Variants in ARHGEF15 observed in about 807,000 individuals in gnomAD.
ARHGEF15 encodes Rho guanine nucleotide exchange factor 15, also known as Rho guanine nucleotide exchange factor (GEF) 15.
A neutral mutation model predicts 79.7 loss-of-function variants in ARHGEF15; 58 were observed. The ratio of observed to expected loss-of-function variants is 0.73; its 90% CI spans 0.59 to 0.91. ARHGEF15 has a LOEUF of 0.91. Among genes scored for constraint, ARHGEF15 ranks in the 40% least tolerant of loss-of-function variants. The pLI, the probability that ARHGEF15 is intolerant of heterozygous loss-of-function variation, is 0.00. For synonymous variants in ARHGEF15, 442 were observed against 456.0 expected (o/e 0.97, Z 0.39); for missense variants, 1,012 against 1,108.1 (o/e 0.91, Z 1.23).
At position 8,319,558 on chromosome 17, in the gene ARHGEF15, C is replaced by G; in HGVS notation, c.2329C>G (p.Leu777Val). The G allele has an allele frequency of 6.2e-7, 1 of 1,611,252 alleles. No individual in the cohort carries two copies. Among genetic ancestry groups the G allele is most frequent in the Non-Finnish European group, 8.5e-7 (1 of 1,179,122 alleles). ...ACCTGCCAAGACTGAAGGACGGAGT[C>G]TGGAGTCCAGGGCTGCCCCCAAACA... ...SAPAKTEGRSLESRAAPKHLH... is the reference protein window; with the variant it reads ...SAPAKTEGRSVESRAAPKHLH... The change falls in exon 15 of 16, where the codon CTG (leucine) becomes GTG (valine). Residue 777 changes from leucine to valine, a missense_variant. Around this residue, in one of 3 missense-constraint regions of ARHGEF15, gnomAD observed 132 missense variants for 124.2 expected, o/e 1.06. Transcript: ENST00000361926.
intron 3 of ARHGEF15, 38 bp downstream of exon 3, chr17:8,313,292 G>C: frequency 6.3e-7 from 1 of 1,584,514 alleles, no homozygotes; most frequent in Non-Finnish European, 8.6e-7. Context: ...GGGCTGTGAG[G>C]GGACAGGAGA....
In ARHGEF15 at chr17:8,319,562, A is replaced by G. The variant is rs1905251623; in HGVS notation, c.2333A>G (p.Glu778Gly). 5 of 1,608,764 alleles carry G rather than the reference A, an allele frequency of 3.1e-6. No individual in the cohort carries two copies. Among genetic ancestry groups the G allele is most frequent in the Non-Finnish European group, 4.2e-6 (5 of 1,178,484 alleles). Reference sequence around the variant, plus strand: ...GCCAAGACTGAAGGACGGAGTCTGGAGTCCAGGGCTGCCCCCAAACACCTG... The same window carrying G: ...GCCAAGACTGAAGGACGGAGTCTGGGGTCCAGGGCTGCCCCCAAACACCTG... The part of the protein sequence containing the change: ...APAKTEGRSL[E>G]SRAAPKHLHK... Residue 778 changes from glutamate to glycine, a missense_variant, in exon 15 of 16, where the codon GAG becomes GGG. Glu to Gly is a moderately conservative substitution (Grantham distance 98, BLOSUM62 -2). This residue lies in a region of ARHGEF15 where 132 missense variants were observed against 124.2 expected (regional missense o/e 1.06). Coordinates refer to ENST00000361926, the MANE Select transcript of ARHGEF15 (RefSeq NM_173728.4).
chr17:8,313,077 C>A lies in ARHGEF15; in HGVS notation c.757C>A (p.Pro253Thr). 1 of 1,613,506 alleles carries A rather than the reference C, an allele frequency of 6.2e-7. No individual in the cohort carries two copies. Reference protein sequence around the residue: ...PLRTSRSRPHPPSIGHPAVVL... With the variant: ...PLRTSRSRPHTPSIGHPAVVL... The stretch of plus-strand genomic sequence containing the variant: ...GCGGACCTCTCGCTCCCGCCCCCAC[C>A]CTCCAAGCATCGGTCACCCTGCCGT... The change falls in exon 3 of 16, where the codon CCT (proline) becomes ACT (threonine). Residue 253 changes from proline to threonine, a missense_variant. This residue lies in a region of ARHGEF15 where 818 missense variants were observed against 882.5 expected (regional missense o/e 0.93). Coordinates refer to ENST00000361926, the MANE Select transcript of ARHGEF15 (RefSeq NM_173728.4).
rs571072792 is a variant in ARHGEF15 at position 8,313,070 on chromosome 17, C to T, written c.750C>T (p.Arg250=). ...CCCCGCTGCGGACCTCTCGCTCCCG[C>T]CCCCACCCTCCAAGCATCGGTCACC... ...RASPLRTSRS[R]PHPPSIGHPA... Residue 250 remains arginine, a synonymous_variant, in exon 3 of 16, where the codon CGC becomes CGT. Transcript: ENST00000361926. 1.2e-6 allele frequency: 2 copies of T among 1,607,414 alleles called. No homozygotes were observed. The highest frequency in any genetic ancestry group is 1.1e-5 in the South Asian group (1 of 90,964).
chr17:8,312,625 G>A lies in ARHGEF15; in HGVS notation c.586G>A (p.Glu196Lys), dbSNP rs1479737966. 1.2e-5 allele frequency: 20 copies of A among 1,613,276 alleles called. No individual in the cohort carries two copies. The highest frequency in any genetic ancestry group is 1.7e-5 in the Non-Finnish European group (20 of 1,179,996). Residue 196 changes from glutamate (E) to lysine (K), a missense_variant, in exon 2 of 16, where the codon GAG becomes AAG. Around this residue, in one of 3 missense-constraint regions of ARHGEF15, gnomAD observed 818 missense variants for 882.5 expected, o/e 0.93. Coordinates refer to ENST00000361926, the MANE Select transcript of ARHGEF15 (RefSeq NM_173728.4). ...TCCCCTCACCGGGAGTGGGTCCCAGGAGAACGGTGCTCCAGGTGAGTGTGG... is the reference window on the plus strand; with the variant it reads ...TCCCCTCACCGGGAGTGGGTCCCAGAAGAACGGTGCTCCAGGTGAGTGTGG... ...EAPLTGSGSQ[E>K]NGAPDAGLAC...
intron 4 of ARHGEF15, 114 bp from the exon 5 acceptor site, chr17:8,314,792 G>C (rs887981861): frequency 8.2e-7 from 1 of 1,212,814 alleles, no homozygotes; most frequent in Non-Finnish European, 1.1e-6. Context: ...GGAGCCGTCA[G>C]GGTCCCTACA....
Position 8,315,336 on chromosome 17 carries a change from G to T in ARHGEF15, c.1260+59G>T. ...GCTGGGGTTGGGCTGCATGGGTCAGGCATAGGGGAGGAGGGCCCAGGGTCC... is the reference window on the plus strand; with the variant it reads ...GCTGGGGTTGGGCTGCATGGGTCAGTCATAGGGGAGGAGGGCCCAGGGTCC... On this transcript the variant is annotated intron_variant, in intron 6 of 15. Coordinates refer to ENST00000361926, the MANE Select transcript of ARHGEF15 (RefSeq NM_173728.4). The surrounding 1 kb of genome is among the most constrained non-coding windows in gnomAD (Gnocchi z 4.3). The T allele has an allele frequency of 6.2e-7, 1 of 1,611,444 alleles. No individual in the cohort carries two copies. The highest frequency in any genetic ancestry group is 8.5e-7 in the Non-Finnish European group (1 of 1,178,578).
At chr17:8,314,368 G>C (rs1430593463) in intron 4 of ARHGEF15, among the ~76,000 whole-genome samples, 1 of 152,116 alleles carries the variant, frequency 6.6e-6, no homozygotes, top group African/African-American at 2.4e-5. Context: ...GCGAATGGGG[G>C]TGTGGTGGTG....
chr17:8,313,782 C>T (rs1171885431), intron 4 of ARHGEF15: 2 of 424,420 alleles, frequency 4.7e-6, no homozygotes, highest in Non-Finnish European at 8.2e-6. Flanking sequence ...GTAATCCCAG[C>T]ACTCTGGGAG....
Position 8,316,144 on chromosome 17 carries a change from T to TG in ARHGEF15, c.1701dup (p.Gln568AlafsTer34). ...CGCATCACCCGGCTGCGCATGCTGC[T>TG]GCAGGTACCTGTCCCAGCTGCGGCC... On this transcript the variant is annotated frameshift_variant, in exon 9 of 16. Transcript: ENST00000361926. LOFTEE classifies it high-confidence loss of function. The TG allele has an allele frequency of 6.2e-7, 1 of 1,602,346 alleles. No homozygotes were observed. Among genetic ancestry groups the TG allele is most frequent in the Non-Finnish European group, 8.5e-7 (1 of 1,179,230 alleles).
At chr17:8,317,620 A>T (rs1274897303) in intron 9 of ARHGEF15, among the ~76,000 whole-genome samples, 1 of 152,296 alleles carries the variant, frequency 6.6e-6, no homozygotes, top group Admixed American at 6.5e-5. Flanking sequence ...TACTTGTCCT[A>T]CTTTAGACAT....
rs1394510179 is a variant in ARHGEF15 at position 8,318,603 on chromosome 17, A to C, written c.1813A>C (p.Met605Leu). ...IERCSAEVGR[M>L]KQTEELIRLT... ...GCGTTGCAGCGCTGAGGTGGGGCGC[A>C]TGAAGCAGACTGAAGAGCTGATCCG... is the stretch of plus-strand genomic sequence containing the variant. Residue 605 changes from methionine (M) to leucine (L), a missense_variant, in exon 11 of 16, where the codon ATG becomes CTG. Met to Leu is a conservative substitution (Grantham distance 15, BLOSUM62 2). Transcript: ENST00000361926. The surrounding 1 kb of genome is among the most constrained non-coding windows in gnomAD (Gnocchi z 5.0). 3.7e-6 allele frequency: 6 copies of C among 1,613,904 alleles called. No homozygotes were observed. The highest frequency in any genetic ancestry group is 5.1e-6 in the Non-Finnish European group (6 of 1,179,816).
Position 8,315,834 on chromosome 17 carries a change from G to T in ARHGEF15, c.1501G>T (p.Val501Leu). The change falls in exon 8 of 16, where the codon GTG becomes TTG. Residue 501 changes from valine to leucine, a missense_variant. This residue lies in a region of ARHGEF15 where 818 missense variants were observed against 882.5 expected (regional missense o/e 0.93). Transcript: ENST00000361926. This position sits in a 1 kb window ranked among gnomAD's most constrained non-coding sequence, Gnocchi z 4.3. The part of the protein sequence containing the change: ...DLCDVVHAHA[V>L]GPFSVYVDYV... ...GTGTGATGTGGTGCATGCCCACGCT[G>T]TGGGGCCTTTCTCGGTGTATGTGGA... The T allele has an allele frequency of 6.2e-7, 1 of 1,613,062 alleles. No individual in the cohort carries two copies. The highest frequency in any genetic ancestry group is 8.5e-7 in the Non-Finnish European group (1 of 1,180,022).
Position 8,320,830 on chromosome 17 carries a change from C to G in ARHGEF15, c.2375-12C>G. On this transcript the variant is annotated splice_polypyrimidine_tract_variant and intron_variant, in intron 15 of 15. Transcript: ENST00000361926. Reference sequence around the variant, plus strand: ...CCCCACCTCATTGGAGCCTCTGTCTCTCTTCCCCCAGGTTGGCTGAAGGGG... The same window carrying G: ...CCCCACCTCATTGGAGCCTCTGTCTGTCTTCCCCCAGGTTGGCTGAAGGGG... The G allele has an allele frequency of 1.2e-6, 2 of 1,611,888 alleles. No homozygotes were observed. Among genetic ancestry groups the G allele is most frequent in the African/African-American group, 1.3e-5 (1 of 74,978 alleles).
chr17:8,319,846 G>T (rs1905267649), intron 15 of ARHGEF15, among the ~76,000 whole-genome samples: 1 of 152,080 alleles, frequency 6.6e-6, no homozygotes, highest in African/African-American at 2.4e-5. Flanking sequence ...ATGTTGGCCA[G>T]GCTGGTCTCG....
rs778382312 is a variant in ARHGEF15, at chr17:8,320,979, G to A, written c.2512G>A (p.Ala838Thr). ...AVGSSSGTPN[A>T]PPP ...TGGATCTTCTTCAGGCACCCCCAAT[G>A]CCCCCCCACCCTAATGCAGGCTGAG... The change falls in exon 16 of 16, where the codon GCC becomes ACC. Residue 838 changes from alanine (A) to threonine (T), a missense_variant. Physicochemically the swap from Ala to Thr is moderately conservative, Grantham distance 58. Around this residue, in one of 3 missense-constraint regions of ARHGEF15, gnomAD observed 132 missense variants for 124.2 expected, o/e 1.06. Transcript: ENST00000361926. The A allele has an allele frequency of 2.5e-6, 4 of 1,613,454 alleles. No individual in the cohort carries two copies. Among genetic ancestry groups the A allele is most frequent in the Non-Finnish European group, 3.4e-6 (4 of 1,179,748 alleles).
Position 8,318,443 on chromosome 17 carries a change from C to T in ARHGEF15, c.1761C>T (p.Ala587=). The change falls in exon 10 of 16, where the codon GCC becomes GCT. Residue 587 remains alanine (A), a synonymous_variant. Coordinates refer to ENST00000361926, the MANE Select transcript of ARHGEF15 (RefSeq NM_173728.4). This position sits in a 1 kb window ranked among gnomAD's most constrained non-coding sequence, Gnocchi z 5.0. The stretch of plus-strand genomic sequence containing the variant: ...GCCGTCAGGAGAATGCCCAGAAGGC[C>T]CTGGGTGCTGTCAGCAAGGTGGGCA... The part of the protein sequence containing the change: ...GSSRQENAQK[A]LGAVSKIIER... 1 of 1,614,024 alleles carries T rather than the reference C, an allele frequency of 6.2e-7. No homozygotes were observed. Among genetic ancestry groups the T allele is most frequent in the Non-Finnish European group, 8.5e-7 (1 of 1,180,010 alleles).
chr17:8,312,724 C>T (rs746640088), intron 2 of ARHGEF15, 84 bp downstream of exon 2: 24 of 1,603,726 alleles, frequency 1.5e-5, no homozygotes, highest in Non-Finnish European at 2.0e-5. Flanking sequence ...TCAGGGGCTA[C>T]CTTTTCAAAA....
rs1003861030 is a variant in ARHGEF15 at position 8,315,681 on chromosome 17, C to G, written c.1422-74C>G. On this transcript the variant is annotated intron_variant, in intron 7 of 15. Transcript: ENST00000361926. This position sits in a 1 kb window ranked among gnomAD's most constrained non-coding sequence, Gnocchi z 4.3. Reference sequence around the variant, plus strand: ...TCCTTCTACGGACCCAGTTAGTTCCCAAACCTTCTCTCAAGAACCCGGGAG... The same window carrying G: ...TCCTTCTACGGACCCAGTTAGTTCCGAAACCTTCTCTCAAGAACCCGGGAG... The G allele has an allele frequency of 5.7e-6, 9 of 1,590,054 alleles. No individual in the cohort carries two copies. The highest frequency in any genetic ancestry group is 6.8e-6 in the Non-Finnish European group (8 of 1,169,160).
Sources: gnomAD v4.1 joint callset for allele counts (sites outside exome capture counted in the v4.1 genomes callset) on GRCh38, gnomAD v4.1.1 for gene constraint, gnomAD v4.1.1 regional missense constraint, Gnocchi (gnomAD v3.1) non-coding constraint, MANE v1.5 for transcripts, NCBI Gene and HGNC (gene_info 2026-07-23, HGNC 2026-07-21) for gene names.